The following AGBL4 variants were observed in gnomAD, a reference collection of about 807,000 sequenced individuals.
AGBL4 encodes the protein cytosolic carboxypeptidase 6.
A neutral mutation model predicts 66.4 loss-of-function variants in AGBL4; 58 were observed. That is an observed-to-expected ratio of 0.87 (90% CI 0.71 to 1.09). The LOEUF (loss-of-function observed/expected upper bound fraction) is 1.09, where lower values mean the gene tolerates loss of function less well. Among genes scored for constraint, AGBL4 ranks in the 50% least tolerant of loss-of-function variants. AGBL4 has a pLI of 0.00. For synonymous variants in AGBL4, 234 were observed against 222.9 expected (o/e 1.05, Z -0.44); for missense variants, 579 against 631.0 (o/e 0.92, Z 0.88).
chr1:49,021,780 G>A (rs931257475), intron 5 of AGBL4, among the ~76,000 whole-genome samples: 1 of 152,128 alleles, frequency 6.6e-6, no homozygotes, highest in African/African-American at 2.4e-5. Flanking sequence ...GAAAACCAAG[G>A]TCACGCTCCT....
intron 2 of AGBL4, among the ~76,000 whole-genome samples, chr1:49,723,323 C>T (rs1176317285): frequency 6.6e-6 from 1 of 152,106 alleles, no homozygotes; most frequent in East Asian, 1.9e-4. Context: ...GAAAGGTCTT[C>T]ATGCCTCTTG....
chr1:49,809,470 G>A lies in AGBL4; in HGVS notation c.157+41926C>T, dbSNP rs891059870. Among the ~76,000 whole-genome samples the A allele has an allele frequency of 8.5e-5, 13 of 152,146 alleles. No individual in the cohort carries two copies. The Middle Eastern group carries it at 0.01, about 119-fold the overall frequency. On this transcript the variant is annotated intron_variant, in intron 2 of 13. Transcript: ENST00000371839. ...AAGAGTTGGTGGAACTATTATAGCAGAACTATGAACTTACAGGTCTATAAA... is the reference window on the plus strand; with the variant it reads ...AAGAGTTGGTGGAACTATTATAGCAAAACTATGAACTTACAGGTCTATAAA...
chr1:49,872,977 C>A (rs1646875456), intron 1 of AGBL4, among the ~76,000 whole-genome samples: 1 of 151,730 alleles, frequency 6.6e-6, no homozygotes, highest in African/African-American at 2.4e-5. Context: ...TCAAATTTTT[C>A]TTTCTTTCTT....
intron 2 of AGBL4, among the ~76,000 whole-genome samples, chr1:49,820,531 A>G (rs1645342774): frequency 6.6e-6 from 1 of 152,172 alleles, no homozygotes; most frequent in Non-Finnish European, 1.5e-5. Context: ...GAGGAATAAG[A>G]TATGCTATGA....
In AGBL4 at chr1:48,977,570, C is replaced by T. The variant is rs559077511; in HGVS notation, c.594+68014G>A. On this transcript the variant is annotated intron_variant, in intron 5 of 13. Transcript: ENST00000371839. The stretch of plus-strand genomic sequence containing the variant: ...ACCCATTTACAGAAGTTTCATTTCT[C>T]ATACCCACAACCTTGGGGTCTGCTT... 1.1e-4 allele frequency among the ~76,000 whole-genome samples: 16 copies of T among 152,230 alleles called. No individual in the cohort carries two copies. In the South Asian group the frequency reaches 1.7e-3, roughly 16 times the overall value.
At chr1:49,188,869 G>C (rs1034312965) in intron 4 of AGBL4, among the ~76,000 whole-genome samples, 1 of 152,060 alleles carries the variant, frequency 6.6e-6, no homozygotes, top group African/African-American at 2.4e-5. Flanking sequence ...CACTTTTCTC[G>C]TTAATATCCA....
chr1:49,781,293 C>A (rs1644330877), intron 2 of AGBL4, among the ~76,000 whole-genome samples: 1 of 152,012 alleles, frequency 6.6e-6, no homozygotes, highest in Non-Finnish European at 1.5e-5. Flanking sequence ...ATTCAGGAGG[C>A]TGAGGCGGAA....
intron 3 of AGBL4, among the ~76,000 whole-genome samples, chr1:49,365,005 A>G (rs1400441580): frequency 6.6e-6 from 1 of 152,146 alleles, no homozygotes; most frequent in Non-Finnish European, 1.5e-5. Flanking sequence ...AGTATATATA[A>G]ACGATAAGTA....
At chr1:49,561,524 T>C (rs1392957664) in intron 3 of AGBL4, among the ~76,000 whole-genome samples, 1 of 151,954 alleles carries the variant, frequency 6.6e-6, no homozygotes, top group Non-Finnish European at 1.5e-5. Context: ...GTTCTCATGG[T>C]TCAATTCCCA....
At chr1:49,090,782 C>T (rs188041727) in intron 4 of AGBL4, among the ~76,000 whole-genome samples, 1 of 152,278 alleles carries the variant, frequency 6.6e-6, no homozygotes, top group Admixed American at 6.5e-5. Context: ...ATAGCCAAGG[C>T]AATCCTAAGC....
intron 3 of AGBL4, among the ~76,000 whole-genome samples, chr1:49,335,527 T>C (rs1234741359): frequency 6.6e-6 from 1 of 152,150 alleles, no homozygotes; most frequent in East Asian, 1.9e-4. Context: ...TTTTTTTCTT[T>C]TTTTTTGAGA....
At position 48,788,387 on chromosome 1, in the gene AGBL4, T is replaced by C. The variant is rs1383200940; in HGVS notation, c.634+78804A>G. On this transcript the variant is annotated intron_variant, in intron 6 of 13. Coordinates refer to ENST00000371839, the MANE Select transcript of AGBL4 (RefSeq NM_032785.4). ...CTCCCTGAAGGCTGGGCAGTATTAC[T>C]GTAGATATGCCACCCACCATCCCTT... Among the ~76,000 whole-genome samples the C allele has an allele frequency of 3.3e-5, 5 of 152,238 alleles. No homozygotes were observed. The East Asian group carries it at 7.7e-4, about 23-fold the overall frequency.
intron 5 of AGBL4, among the ~76,000 whole-genome samples, chr1:49,011,458 T>G (rs1289670490): frequency 3.3e-5 from 5 of 152,222 alleles, no homozygotes; most frequent in Non-Finnish European, 7.3e-5. Flanking sequence ...TCAACCATTG[T>G]GCAAGTCAGT....
chr1:48,935,864 C>T (rs1655410191), intron 5 of AGBL4, among the ~76,000 whole-genome samples: 1 of 140,304 alleles, frequency 7.1e-6, no homozygotes, highest in Non-Finnish European at 1.5e-5. Flanking sequence ...GAGGCTGAGG[C>T]AGGAGAATCG....
chr1:49,251,603 C>G (rs1351431791), intron 3 of AGBL4, among the ~76,000 whole-genome samples: 2 of 152,200 alleles, frequency 1.3e-5, no homozygotes, highest in African/African-American at 4.8e-5. Context: ...CCAGCAGGGG[C>G]CCTGCCTCTT....
intron 4 of AGBL4, among the ~76,000 whole-genome samples, chr1:49,133,321 C>T (rs920788854): frequency 6.6e-6 from 1 of 152,086 alleles, no homozygotes; most frequent in Non-Finnish European, 1.5e-5. Flanking sequence ...TTGATAGGTG[C>T]AGCAAACCAC....
At chr1:48,685,324 G>A (rs1034144843) in intron 6 of AGBL4, among the ~76,000 whole-genome samples, 10 of 152,204 alleles carry the variant, frequency 6.6e-5, no homozygotes, top group African/African-American at 2.4e-4. Flanking sequence ...ACATCTTACA[G>A]AGATGTTTTA....
At chr1:49,144,258 A>G (rs988657687) in intron 4 of AGBL4, among the ~76,000 whole-genome samples, 2 of 151,982 alleles carry the variant, frequency 1.3e-5, no homozygotes, top group African/African-American at 4.8e-5. Context: ...CTATGTTAGA[A>G]CTCTGCAAAA....
intron 5 of AGBL4, among the ~76,000 whole-genome samples, chr1:48,871,714 A>C (rs2148829599): frequency 6.6e-6 from 1 of 152,226 alleles, no homozygotes; most frequent in East Asian, 1.9e-4. Context: ...TAAGGTCAGC[A>C]GGAGTAACCT....
Sources: gnomAD v4.1 joint callset for allele counts (sites outside exome capture counted in the v4.1 genomes callset) on GRCh38, gnomAD v4.1.1 for gene constraint, MANE v1.5 for transcripts, NCBI Gene and HGNC (gene_info 2026-07-23, HGNC 2026-07-21) for gene names.